FARSB: variants seen among roughly 807,000 people sequenced by gnomAD.
FARSB encodes the protein phenylalanine--tRNA ligase beta subunit.
FARSB carries 40 observed loss-of-function variants against 69.6 expected under a neutral mutation model. The ratio of observed to expected loss-of-function variants is 0.57; its 90% CI spans 0.45 to 0.75. FARSB has a LOEUF of 0.75. Among genes scored for constraint, FARSB ranks in the 30% least tolerant of loss-of-function variants. The pLI, the probability that FARSB is intolerant of heterozygous loss-of-function variation, is 0.00. For synonymous variants in FARSB, 235 were observed against 247.2 expected, an observed-to-expected ratio of 0.95 and a Z score of 0.46; for missense variants, 632 against 722.9, an observed-to-expected ratio of 0.87 and a Z score of 1.44.
chr2:222,652,699 A>G (rs1362552807), intron 1 of FARSB, among the ~76,000 whole-genome samples: 1 of 152,206 alleles, frequency 6.6e-6, no homozygotes, highest in African/African-American at 2.4e-5. Context: ...AGGCCTTGAG[A>G]TGACTACGGA....
At chr2:222,653,001 G>T (rs746777027) in intron 1 of FARSB, among the ~76,000 whole-genome samples, 15 of 152,130 alleles carry the variant, frequency 9.9e-5, no homozygotes, top group Non-Finnish European at 1.0e-4. Context: ...TTCCTCTAAC[G>T]AAATGACACA....
At chr2:222,653,815 T>C (rs1403097203) in intron 1 of FARSB, among the ~76,000 whole-genome samples, 2 of 152,024 alleles carry the variant, frequency 1.3e-5, no homozygotes, top group East Asian at 3.9e-4. Context: ...AGAGACAGGG[T>C]TTTGCTGTGT....
intron 16 of FARSB, among the ~76,000 whole-genome samples, chr2:222,592,909 A>G (rs1690313165): frequency 6.6e-6 from 1 of 152,064 alleles, no homozygotes; most frequent in African/African-American, 2.4e-5. Context: ...AAAACTGAGT[A>G]GAGTTGTCCC....
Position 222,599,642 on chromosome 2 carries a change from G to A in FARSB, c.1618+286C>T, listed in dbSNP as rs565148700. 3.3e-4 allele frequency among the ~76,000 whole-genome samples: 50 copies of A among 152,278 alleles called. 1 individual carries two copies. The South Asian group carries it at 9.3e-3, about 28-fold the overall frequency. On this transcript the variant is annotated intron_variant, in intron 16 of 16. Coordinates refer to ENST00000281828, the MANE Select transcript of FARSB (RefSeq NM_005687.5). ...CACCATGTGCTGATGGCTTAAAGGTGCCAGTGATTTAGCCATTTTGATGGC... is the reference window on the plus strand; with the variant it reads ...CACCATGTGCTGATGGCTTAAAGGTACCAGTGATTTAGCCATTTTGATGGC...
chr2:222,586,222 A>AAG (rs1223137630), intron 16 of FARSB, among the ~76,000 whole-genome samples: 1 of 152,232 alleles, frequency 6.6e-6, no homozygotes, highest in Non-Finnish European at 1.5e-5. Flanking sequence ...TCTTAAAGAA[A>AAG]AGAATTTTCT....
chr2:222,624,283 T>C lies in FARSB; in HGVS notation c.1159A>G (p.Ile387Val), dbSNP rs765546375. Residue 387 changes from isoleucine to valine, a missense_variant, in exon 12 of 17, where the codon ATA becomes GTA. Coordinates refer to ENST00000281828, the MANE Select transcript of FARSB (RefSeq NM_005687.5). The part of the protein sequence containing the change: ...IQMTLPKTYT[I>V]ANQFPLNKLT... Reference sequence around the variant, plus strand: ...GGGTGCAATCTTACTTGATTAGCTATGGTGTAAGTTTTCGGGAGAGTCATC... The same window carrying C: ...GGGTGCAATCTTACTTGATTAGCTACGGTGTAAGTTTTCGGGAGAGTCATC... 1.9e-6 allele frequency: 3 copies of C among 1,600,780 alleles called. No individual in the cohort carries two copies. Among genetic ancestry groups the C allele is most frequent in the African/African-American group, 1.3e-5 (1 of 74,654 alleles).
chr2:222,579,473 A>G (rs1689916933), intron 16 of FARSB, among the ~76,000 whole-genome samples: 1 of 152,248 alleles, frequency 6.6e-6, no homozygotes, highest in Non-Finnish European at 1.5e-5. Context: ...TTTAAATCCC[A>G]TATAACACAG....
intron 16 of FARSB, among the ~76,000 whole-genome samples, chr2:222,574,380 T>A (rs1454827615): frequency 6.6e-6 from 1 of 152,194 alleles, no homozygotes; most frequent in African/African-American, 2.4e-5. Context: ...TCCAAGCATA[T>A]GAGTATTCTA....
At chr2:222,608,682 T>C (rs1393750085) in intron 15 of FARSB, among the ~76,000 whole-genome samples, 1 of 152,208 alleles carries the variant, frequency 6.6e-6, no homozygotes, top group Non-Finnish European at 1.5e-5. Context: ...TTAGAAAAGT[T>C]TCAGGGAAAA....
At chr2:222,637,797 A>T (rs1691623020) in intron 5 of FARSB, among the ~76,000 whole-genome samples, 1 of 152,148 alleles carries the variant, frequency 6.6e-6, no homozygotes, top group African/African-American at 2.4e-5. Flanking sequence ...CCTGGACAAT[A>T]AAGCAAGACC....
intron 15 of FARSB, among the ~76,000 whole-genome samples, chr2:222,608,300 T>C (rs1432740486): frequency 1.3e-5 from 2 of 152,186 alleles, no homozygotes; most frequent in East Asian, 3.8e-4. Flanking sequence ...ATTTGAGGGC[T>C]CCAGAATTAC....
chr2:222,629,984 T>C (rs1320466693), intron 9 of FARSB, 129 bp downstream of exon 9: 5 of 619,454 alleles, frequency 8.1e-6, no homozygotes, highest in Non-Finnish European at 1.2e-5. Flanking sequence ...CAAGCAATCC[T>C]CCCGCCTCAG....
intron 12 of FARSB, 103 bp from the exon 13 acceptor site, chr2:222,623,833 G>T: frequency 1.3e-6 from 1 of 742,094 alleles, no homozygotes. Flanking sequence ...AAATAAAAAT[G>T]TTTAAAAGAT....
At position 222,581,156 on chromosome 2, in the gene FARSB, T is replaced by C. The variant is rs575293715; in HGVS notation, c.1619-9134A>G. 8.5e-5 allele frequency among the ~76,000 whole-genome samples: 13 copies of C among 152,206 alleles called. No individual in the cohort carries two copies. In the South Asian group the frequency reaches 2.7e-3, roughly 32 times the overall value. On this transcript the variant is annotated intron_variant, in intron 16 of 16. Coordinates refer to ENST00000281828, the MANE Select transcript of FARSB (RefSeq NM_005687.5). ...CAACCCCAGTGTAAAACAAAATAAT[T>C]GGTCAAAGTAAAAACCACAACTGAG... is the stretch of plus-strand genomic sequence containing the variant.
chr2:222,602,430 C>T (rs747840663), intron 15 of FARSB, among the ~76,000 whole-genome samples: 2 of 151,904 alleles, frequency 1.3e-5, no homozygotes, highest in Non-Finnish European at 2.9e-5. Flanking sequence ...AGGGAGACTA[C>T]TAGATATTAA....
intron 16 of FARSB, 148 bp downstream of exon 16, chr2:222,599,780 A>AT (rs1301787894): frequency 6.2e-6 from 4 of 642,434 alleles, no homozygotes; most frequent in African/African-American, 1.9e-5. Context: ...GAAAGGGGAT[A>AT]TTTTCTGGAT....
chr2:222,615,753 T>C (rs1690979997), intron 14 of FARSB, among the ~76,000 whole-genome samples: 1 of 152,204 alleles, frequency 6.6e-6, no homozygotes, highest in Non-Finnish European at 1.5e-5. Context: ...AGATTGTGTT[T>C]TGAATGAAAA....
At chr2:222,602,232 G>GA (rs1220349898) in intron 15 of FARSB, among the ~76,000 whole-genome samples, 3 of 152,006 alleles carry the variant, frequency 2.0e-5, no homozygotes, top group Non-Finnish European at 2.9e-5. Flanking sequence ...TTAGGTATGG[G>GA]AAAAAAATGC....
chr2:222,619,890 G>GTAA lies in FARSB; in HGVS notation c.1252-156_1252-154dup, dbSNP rs757622486. 2.6e-5 allele frequency among the ~76,000 whole-genome samples: 4 copies of GTAA among 152,028 alleles called. No homozygotes were observed. The South Asian group carries it at 6.2e-4, about 24-fold the overall frequency. ...AGGCCTGGTGTGAGCTGAAGTAAAT[G>GTAA]TAATAATAATAATAATAAAAAACAA... is the stretch of plus-strand genomic sequence containing the variant. On this transcript the variant is annotated intron_variant, in intron 13 of 16. Coordinates refer to ENST00000281828, the MANE Select transcript of FARSB (RefSeq NM_005687.5).
Sources: allele counts gnomAD v4.1 joint callset (sites outside exome capture counted in the v4.1 genomes callset), GRCh38; gene constraint gnomAD v4.1.1; transcripts MANE v1.5; gene names NCBI Gene and HGNC (gene_info 2026-07-23, HGNC 2026-07-21).